The following NCBP2L variants were observed in gnomAD, a reference collection of about 807,000 sequenced individuals.
The protein encoded by NCBP2L is nuclear cap binding protein subunit 2 like.
For missense variants in NCBP2L, 95 were observed against 53.1 expected, an observed-to-expected ratio of 1.79 and a Z score of -2.45; for synonymous variants, 39 against 19.2, an observed-to-expected ratio of 2.04 and a Z score of -2.70.
chrX:107,789,965 T>C (rs1191987004), intron 1 of NCBP2L, among the ~76,000 whole-genome samples: 3 of 111,094 alleles, frequency 2.7e-5, no homozygotes, highest in African/African-American at 9.8e-5. Context: ...CAAACCCATA[T>C]ACTAGTTAAT....
At position 107,780,765 on chromosome X, in the gene NCBP2L, GA is replaced by G. The variant is rs200840101; in HGVS notation, c.-73+2908del. Among the ~76,000 whole-genome samples, 808 of 108,511 alleles carry G rather than the reference GA, an allele frequency of 7.4e-3. 5 individuals are homozygous for G. The highest frequency in any genetic ancestry group is 0.01 in the Non-Finnish European group (533 of 52,274). The allele number at this position is 108,511 out of a possible 115,157, so 94.2% of individuals were successfully genotyped here. On this transcript the variant is annotated intron_variant, in intron 1 of 1. Transcript: ENST00000509000. ...GTGCTTCAGCCTCCCGAGTAGCTGG[GA>G]TTACAGACACATGCCACCATGCAGG...
At chrX:107,780,722 C>T (rs1256501969) in intron 1 of NCBP2L, among the ~76,000 whole-genome samples, 4 of 106,391 alleles carry the variant, frequency 3.8e-5, no homozygotes, top group Non-Finnish European at 3.9e-5. Flanking sequence ...CTCTGCCTCC[C>T]GGGTTCGAGC....
At chrX:107,783,668 C>T (rs182341886) in intron 1 of NCBP2L, among the ~76,000 whole-genome samples, 6 of 109,911 alleles carry the variant, frequency 5.5e-5, no homozygotes, top group African/African-American at 1.7e-4. Flanking sequence ...CCACTGCACC[C>T]GGCCAAGAAT....
At chrX:107,792,218 C>T (rs1311692017) in intron 1 of NCBP2L, among the ~76,000 whole-genome samples, 4 of 111,129 alleles carry the variant, frequency 3.6e-5, no homozygotes, top group Non-Finnish European at 7.5e-5. Context: ...ATGCCTGAAG[C>T]ATCCAGCTTA....
At chrX:107,793,868 C>A (rs1189256185) in intron 1 of NCBP2L, among the ~76,000 whole-genome samples, 1 of 112,208 alleles carries the variant, frequency 8.9e-6, no homozygotes, top group Non-Finnish European at 1.9e-5. Context: ...TTTCCAAGAA[C>A]ATGCTGTTAT....
At position 107,781,692 on chromosome X, in the gene NCBP2L, C is replaced by CTCTCTCTA. The variant is rs1395038482; in HGVS notation, c.-73+3835_-73+3836insCTCTCTAT. The stretch of plus-strand genomic sequence containing the variant: ...TATCTATCTATCTCTCTCTCTCTCT[C>CTCTCTCTA]TATATATATATATATATAGATCTAT... On this transcript the variant is annotated intron_variant, in intron 1 of 1. Transcript: ENST00000509000. 9.7e-4 allele frequency among the ~76,000 whole-genome samples: 65 copies of CTCTCTCTA among 66,897 alleles called. 1 individual carries two copies. Among genetic ancestry groups the CTCTCTCTA allele is most frequent in the African/African-American group, 4.9e-3 (57 of 11,731 alleles). The allele number at this position is 66,897 out of a possible 115,157, so 58.1% of individuals were successfully genotyped here.
intron 1 of NCBP2L, among the ~76,000 whole-genome samples, chrX:107,779,531 C>T (rs998748701): frequency 9.0e-6 from 1 of 111,657 alleles, no homozygotes; most frequent in African/African-American, 3.3e-5. Context: ...CAGGTTCAAG[C>T]GATTCTCCTT....
intron 1 of NCBP2L, among the ~76,000 whole-genome samples, chrX:107,786,854 C>T (rs1029271502): frequency 1.8e-5 from 2 of 111,778 alleles, no homozygotes; most frequent in Non-Finnish European, 3.8e-5. Context: ...TATATCTGAC[C>T]ACTCTTTTCT....
chrX:107,781,777 T>G (rs1360846130), intron 1 of NCBP2L, among the ~76,000 whole-genome samples: 1 of 99,444 alleles, frequency 1.0e-5, no homozygotes, highest in Non-Finnish European at 2.0e-5. Flanking sequence ...TCTATATATA[T>G]AGATCTATAG....
At chrX:107,788,967 C>T (rs760231777) in intron 1 of NCBP2L, among the ~76,000 whole-genome samples, 1 of 111,264 alleles carries the variant, frequency 9.0e-6, no homozygotes, top group Non-Finnish European at 1.9e-5. Flanking sequence ...TTAATGTCCT[C>T]ATAGATGACC....
intron 1 of NCBP2L, among the ~76,000 whole-genome samples, chrX:107,783,433 C>T (rs968777820): frequency 1.4e-4 from 14 of 98,947 alleles, no homozygotes; most frequent in African/African-American, 5.1e-4. Flanking sequence ...AATGCAGTGG[C>T]GCGATCTCCG....
chrX:107,782,912 C>T (rs1930344022), intron 1 of NCBP2L, among the ~76,000 whole-genome samples: 1 of 107,737 alleles, frequency 9.3e-6, no homozygotes, highest in South Asian at 4.0e-4. Flanking sequence ...TATACACATA[C>T]ATATACACAT....
chrX:107,782,390 C>T (rs1414411691), intron 1 of NCBP2L, among the ~76,000 whole-genome samples: 2 of 65,013 alleles, frequency 3.1e-5, no homozygotes, highest in African/African-American at 6.2e-5. Context: ...TATATACCCA[C>T]ACATATATAC....
In NCBP2L at chrX:107,783,858, ATGTGTG is replaced by A. The variant is rs756413239; in HGVS notation, c.-73+6028_-73+6033del. ...CTGGAGCTCACAGTCTGGTGTGCGT[ATGTGTG>A]TGTGTGTGTGTGTGTGTGTGTGTGT... is the stretch of plus-strand genomic sequence containing the variant. On this transcript the variant is annotated intron_variant, in intron 1 of 1. Coordinates refer to ENST00000509000, the MANE Select transcript of NCBP2L (RefSeq NM_001348372.2). 3.0e-4 allele frequency among the ~76,000 whole-genome samples: 29 copies of A among 96,951 alleles called. 1 individual carries two copies. The highest frequency in any genetic ancestry group is 7.3e-4 in the African/African-American group (19 of 26,034). The allele number at this position is 96,951 out of a possible 115,157, so 84.2% of individuals were successfully genotyped here. A position where few individuals can be genotyped will look rare whatever the true frequency, so the allele number is the denominator to read the frequency against.
At chrX:107,784,807 CAAAAA>C (rs10550955) in intron 1 of NCBP2L, among the ~76,000 whole-genome samples, 67 of 41,078 alleles carry the variant, frequency 1.6e-3, no homozygotes, top group African/African-American at 4.4e-3. Context: ...CCCATCTCCA[CAAAAA>C]AAAAAAAAAA....
chrX:107,779,788 A>G (rs1194351060), intron 1 of NCBP2L, among the ~76,000 whole-genome samples: 1 of 77,573 alleles, frequency 1.3e-5, no homozygotes, highest in Non-Finnish European at 2.3e-5. Flanking sequence ...TCTGTCGCCC[A>G]GGCTGGAGTG....
Position 107,794,615 on chromosome X carries a change from T to A in NCBP2L, c.395T>A (p.Val132Glu), listed in dbSNP as rs1930495563. ...GGTCGCGGTAAATCTGGGGGTCAGG[T>A]AAGGGATGAGTTTCGTGAAGATTTT... The part of the protein sequence containing the change: ...QYGRGKSGGQ[V>E]RDEFREDFHS... Residue 132 changes from valine (V) to glutamate (E), a missense_variant, in exon 2 of 2, where the codon GTA becomes GAA. Coordinates refer to ENST00000509000, the MANE Select transcript of NCBP2L (RefSeq NM_001348372.2). The A allele has an allele frequency of 1.8e-6, 1 of 567,308 alleles. No homozygotes were observed. The allele number at this position is 567,308 out of a possible 1,213,427, so 46.8% of individuals were successfully genotyped here.
intron 1 of NCBP2L, among the ~76,000 whole-genome samples, chrX:107,789,248 C>T (rs188303171): frequency 5.1e-5 from 5 of 97,711 alleles, no homozygotes; most frequent in Admixed American, 3.5e-4. Flanking sequence ...AATTTCTCTA[C>T]GTATGCTTTG....
At position 107,795,553 on chromosome X, in the gene NCBP2L, A is replaced by G. The variant is rs201538472; in HGVS notation, c.*871A>G. The stretch of plus-strand genomic sequence containing the variant: ...TTCAGTATAGTATTCAACAAATTGC[A>G]TGAGATACTTAACACTTTATTATAA... On this transcript the variant is annotated 3_prime_UTR_variant, in exon 2 of 2. Coordinates refer to ENST00000509000, the MANE Select transcript of NCBP2L (RefSeq NM_001348372.2). The G allele has an allele frequency of 8.9e-6, 1 of 112,290 alleles. No homozygotes were observed. Among genetic ancestry groups the G allele is most frequent in the East Asian group, 2.8e-4 (1 of 3,580 alleles). 9.3% of individuals were successfully genotyped at this position (112,290 alleles called of 1,213,427 possible).
Sources: gnomAD v4.1 joint callset for allele counts (sites outside exome capture counted in the v4.1 genomes callset) on GRCh38, gnomAD v4.1.1 for gene constraint, MANE v1.5 for transcripts, NCBI Gene and HGNC (gene_info 2026-07-23, HGNC 2026-07-21) for gene names.